Variants in ZNF385B observed in about 807,000 individuals in gnomAD.
ZNF385B encodes zinc finger protein 385B.
Under a neutral mutation model 39.2 loss-of-function variants are expected in ZNF385B, and 23 were observed. The ratio of observed to expected loss-of-function variants is 0.59; its 90% CI spans 0.42 to 0.83. The LOEUF (loss-of-function observed/expected upper bound fraction) is 0.83. Among genes scored for constraint, ZNF385B ranks in the 40% least tolerant of loss-of-function variants. ZNF385B has a pLI of 0.00. For missense variants in ZNF385B, 552 were observed against 598.9 expected (o/e 0.92, Z 0.82); for synonymous variants, 205 against 222.6 (o/e 0.92, Z 0.70).
intron 1 of ZNF385B, among the ~76,000 whole-genome samples, chr2:179,858,973 CT>C (rs1486038270): frequency 6.6e-6 from 1 of 152,126 alleles, no homozygotes; most frequent in Non-Finnish European, 1.5e-5. Flanking sequence ...ACTTAAGATC[CT>C]TGTCTTTTTC....
At chr2:179,746,501 A>G (rs2106461110) in intron 3 of ZNF385B, among the ~76,000 whole-genome samples, 1 of 152,302 alleles carries the variant, frequency 6.6e-6, no homozygotes. Context: ...GATAGTTAAA[A>G]ATGTGCGATG....
chr2:179,716,411 T>C (rs1700334790), intron 3 of ZNF385B, among the ~76,000 whole-genome samples: 1 of 152,232 alleles, frequency 6.6e-6, no homozygotes, highest in Admixed American at 6.5e-5. Context: ...GTTGTAGTTC[T>C]ATTACAGGGT....
chr2:179,844,649 T>TA (rs895404023), intron 1 of ZNF385B, among the ~76,000 whole-genome samples: 3 of 151,880 alleles, frequency 2.0e-5, no homozygotes, highest in Non-Finnish European at 1.5e-5. Context: ...ATTATCTGAA[T>TA]AAAAAAAATT....
At chr2:179,477,481 C>T (rs563922692) in intron 6 of ZNF385B, among the ~76,000 whole-genome samples, 3 of 152,302 alleles carry the variant, frequency 2.0e-5, no homozygotes, top group South Asian at 4.2e-4. Context: ...TGTTACCTCA[C>T]GGTCTCCATA....
At chr2:179,481,053 T>A (rs79494416) in intron 6 of ZNF385B, 1 of 152,270 alleles carries the variant, frequency 6.6e-6, no homozygotes, top group East Asian at 1.9e-4. Context: ...GAAGAAGAGA[T>A]GCTGTGGTTG....
chr2:179,635,326 T>C (rs533500376), intron 3 of ZNF385B, among the ~76,000 whole-genome samples: 11 of 134,866 alleles, frequency 8.2e-5, no homozygotes, highest in Admixed American at 3.6e-4. Context: ...TATGTGGGAA[T>C]TGAACAATGA....
At chr2:179,528,338 G>A (rs1325292221) in intron 4 of ZNF385B, among the ~76,000 whole-genome samples, 1 of 152,198 alleles carries the variant, frequency 6.6e-6, no homozygotes, top group Non-Finnish European at 1.5e-5. Context: ...CTAAGGATGA[G>A]TACTAAGTAC....
At chr2:179,805,397 C>G (rs1257313286) in intron 1 of ZNF385B, among the ~76,000 whole-genome samples, 1 of 152,172 alleles carries the variant, frequency 6.6e-6, no homozygotes, top group African/African-American at 2.4e-5. Context: ...TGGTTTTAAG[C>G]CACTAAGTTT....
At chr2:179,615,014 AC>A (rs1246433536) in intron 3 of ZNF385B, among the ~76,000 whole-genome samples, 3 of 152,170 alleles carry the variant, frequency 2.0e-5, no homozygotes, top group African/African-American at 7.2e-5. Flanking sequence ...GGTGCAACTG[AC>A]CTTGTCCTCC....
At chr2:179,828,168 A>T (rs980158799) in intron 1 of ZNF385B, among the ~76,000 whole-genome samples, 4 of 152,150 alleles carry the variant, frequency 2.6e-5, no homozygotes, top group African/African-American at 9.7e-5. Context: ...TGCTATGAAC[A>T]TTCTTGTGTT....
At chr2:179,729,935 C>A (rs1206155592) in intron 3 of ZNF385B, among the ~76,000 whole-genome samples, 1 of 152,172 alleles carries the variant, frequency 6.6e-6, no homozygotes, top group African/African-American at 2.4e-5. Context: ...CCTGAGGCCT[C>A]CCCAGCCATC....
At chr2:179,458,978 C>G (rs899924638) in intron 6 of ZNF385B, among the ~76,000 whole-genome samples, 9 of 152,150 alleles carry the variant, frequency 5.9e-5, no homozygotes, top group African/African-American at 1.9e-4. Flanking sequence ...AGGGATCGGT[C>G]CCAACCAAGA....
intron 1 of ZNF385B, among the ~76,000 whole-genome samples, chr2:179,780,607 T>A (rs1025087530): frequency 1.3e-5 from 2 of 152,232 alleles, no homozygotes; most frequent in African/African-American, 4.8e-5. Context: ...TGATCTCGTT[T>A]GGACTTCATC....
intron 3 of ZNF385B, among the ~76,000 whole-genome samples, chr2:179,644,552 A>G (rs1692547534): frequency 6.6e-6 from 1 of 152,206 alleles, no homozygotes; most frequent in Admixed American, 6.5e-5. Flanking sequence ...AATTTAAGAG[A>G]GATATGTATT....
At chr2:179,568,465 A>G (rs1458519901) in intron 3 of ZNF385B, among the ~76,000 whole-genome samples, 1 of 152,242 alleles carries the variant, frequency 6.6e-6, no homozygotes, top group East Asian at 1.9e-4. Context: ...GAATGAATGA[A>G]TGACCATACT....
intron 3 of ZNF385B, among the ~76,000 whole-genome samples, chr2:179,626,308 A>G (rs141707025): frequency 1.8e-4 from 27 of 152,286 alleles, no homozygotes; most frequent in African/African-American, 6.3e-4. Flanking sequence ...CAAATATTTT[A>G]ATTTTCTGAG....
At chr2:179,680,100 T>G (rs1437452546) in intron 3 of ZNF385B, among the ~76,000 whole-genome samples, 1 of 152,192 alleles carries the variant, frequency 6.6e-6, no homozygotes, top group Non-Finnish European at 1.5e-5. Flanking sequence ...GAATGCAAGA[T>G]TGGTTAAACA....
intron 3 of ZNF385B, among the ~76,000 whole-genome samples, chr2:179,662,324 C>T (rs1226499551): frequency 2.7e-5 from 4 of 148,374 alleles, no homozygotes; most frequent in African/African-American, 9.9e-5. Flanking sequence ...TCCAGAGGGG[C>T]TTTTTTAAAC....
At chr2:179,637,177 C>T (rs1691836780) in intron 3 of ZNF385B, 1 of 152,006 alleles carries the variant, frequency 6.6e-6, no homozygotes, top group South Asian at 2.1e-4. Context: ...GGAAAATTTC[C>T]AGAGCTATTA....
Sources: allele counts gnomAD v4.1 joint callset (sites outside exome capture counted in the v4.1 genomes callset), GRCh38; gene constraint gnomAD v4.1.1; transcripts MANE v1.5; gene names NCBI Gene and HGNC (gene_info 2026-07-23, HGNC 2026-07-21).